DENND4C: variants seen among roughly 807,000 people sequenced by gnomAD.
DENND4C encodes DENN domain-containing protein 4C.
Under a neutral mutation model 203.0 loss-of-function variants are expected in DENND4C, and 108 were observed. The ratio of observed to expected loss-of-function variants is 0.53; its 90% CI spans 0.46 to 0.62. DENND4C has a LOEUF of 0.62. Ranked by LOEUF, DENND4C falls within the 20% of genes least tolerant of loss-of-function variation. The pLI is 0.00. For synonymous variants in DENND4C, 871 were observed against 792.4 expected, an observed-to-expected ratio of 1.10 and a Z score of -1.67; for missense variants, 2,481 against 2,301.2, an observed-to-expected ratio of 1.08 and a Z score of -1.60.
chr9:19,318,818 T>C (rs549227066), intron 12 of DENND4C, among the ~76,000 whole-genome samples: 1 of 152,342 alleles, frequency 6.6e-6, no homozygotes, highest in Admixed American at 6.5e-5. Flanking sequence ...ATTACCTCTT[T>C]AAAGACCCTG....
intron 5 of DENND4C, chr9:19,292,488 A>C (rs1836549636): frequency 6.6e-6 from 1 of 152,108 alleles, no homozygotes; most frequent in African/African-American, 2.4e-5. Context: ...AAAAATAAAC[A>C]ATATTCAGTA....
chr9:19,297,404 A>T (rs1055820027), intron 6 of DENND4C, among the ~76,000 whole-genome samples: 3 of 152,176 alleles, frequency 2.0e-5, no homozygotes, highest in Admixed American at 1.3e-4. Context: ...CAGTTTAATG[A>T]TTTATAGTTC....
chr9:19,370,092 C>A, intron 31 of DENND4C, 105 bp downstream of exon 31: 1 of 1,278,516 alleles, frequency 7.8e-7, no homozygotes, highest in Non-Finnish European at 1.1e-6. Context: ...AACACATACT[C>A]ATTGCAAAAC....
chr9:19,276,059 G>C (rs915186284), intron 1 of DENND4C, 99 bp from the exon 2 acceptor site: 1 of 532,976 alleles, frequency 1.9e-6, no homozygotes, highest in Non-Finnish European at 2.9e-6. Context: ...AATCTAGCTG[G>C]GAAGTGTGCT....
intron 2 of DENND4C, among the ~76,000 whole-genome samples, chr9:19,278,325 G>T (rs1833323940): frequency 6.6e-6 from 1 of 152,078 alleles, no homozygotes; most frequent in African/African-American, 2.4e-5. Context: ...TAGTAGCAGA[G>T]ACAGGGTTTC....
At chr9:19,313,798 C>T (rs1333379495) in intron 10 of DENND4C, among the ~76,000 whole-genome samples, 5 of 152,106 alleles carry the variant, frequency 3.3e-5, no homozygotes, top group African/African-American at 7.2e-5. Context: ...ATGCCAGTAG[C>T]GTGCTGTCAA....
intron 12 of DENND4C, among the ~76,000 whole-genome samples, chr9:19,319,711 G>T (rs181186484): frequency 2.4e-4 from 37 of 152,106 alleles, no homozygotes; most frequent in Admixed American, 2.4e-3. Flanking sequence ...ATTGTAAACA[G>T]TCCAGCATTT....
chr9:19,230,532 C>T (rs1299027561), upstream of DENND4C: 13 of 152,550 alleles, frequency 8.5e-5, no homozygotes, highest in Admixed American at 8.5e-4. Flanking sequence ...GCGGTCAGGT[C>T]TTGGGACGGC....
chr9:19,264,367 C>G (rs1411862549), intron 1 of DENND4C, among the ~76,000 whole-genome samples: 1 of 151,696 alleles, frequency 6.6e-6, no homozygotes, highest in Non-Finnish European at 1.5e-5. Flanking sequence ...AATGCAGTGG[C>G]GCAATTTCGG....
chr9:19,251,695 A>G (rs2131611441), intron 1 of DENND4C, among the ~76,000 whole-genome samples: 1 of 152,294 alleles, frequency 6.6e-6, no homozygotes, highest in South Asian at 2.1e-4. Flanking sequence ...ACCCTAAATC[A>G]TCTCTCTCAA....
intron 31 of DENND4C, 143 bp downstream of exon 31, chr9:19,370,130 A>G (rs1828518708): frequency 5.0e-6 from 5 of 1,000,352 alleles, no homozygotes; most frequent in Non-Finnish European, 6.0e-6. Context: ...CTACACAGAT[A>G]TATACATTCC....
Position 19,265,794 on chromosome 9 carries a change from T to A in DENND4C, c.-17-10364T>A, listed in dbSNP as rs1244447001. On this transcript the variant is annotated intron_variant, in intron 1 of 32. Coordinates refer to ENST00000434457, the MANE Select transcript of DENND4C (RefSeq NM_001330640.2). ...CAAAGGACAAGAACTCAACCTTTTT[T>A]ATGGCTGCATAGTATTCCATGGTGT... 2.0e-5 allele frequency among the ~76,000 whole-genome samples: 3 copies of A among 152,246 alleles called. No individual in the cohort carries two copies. In the East Asian group the frequency reaches 5.8e-4, roughly 29 times the overall value.
At chr9:19,316,360 T>C in intron 10 of DENND4C, 57 bp from the exon 11 acceptor site, 1 of 1,402,660 alleles carries the variant, frequency 7.1e-7, no homozygotes. Flanking sequence ...AAGAATTTTG[T>C]CTAGTAAAAG....
chr9:19,285,120 C>T (rs1374592922), intron 2 of DENND4C, among the ~76,000 whole-genome samples: 1 of 151,936 alleles, frequency 6.6e-6, no homozygotes, highest in Non-Finnish European at 1.5e-5. Context: ...TATCTAAGTC[C>T]TGCTTATTAC....
chr9:19,352,839 A>G (rs1824460215), intron 26 of DENND4C, among the ~76,000 whole-genome samples, 174 bp downstream of exon 26: 1 of 152,192 alleles, frequency 6.6e-6, no homozygotes, highest in Admixed American at 6.5e-5. Context: ...CATTTTATTT[A>G]AAGTAAGATT....
At position 19,346,532 on chromosome 9, in the gene DENND4C, CTT is replaced by C. The variant is rs1822921472; in HGVS notation, c.3766_3767del (p.Leu1256SerfsTer3). 6.2e-7 allele frequency: 1 copy of C among 1,614,106 alleles called. No individual in the cohort carries two copies. The highest frequency in any genetic ancestry group is 8.5e-7 in the Non-Finnish European group (1 of 1,180,028). On this transcript the variant is annotated frameshift_variant, in exon 23 of 33. Transcript: ENST00000434457. LOFTEE classifies it high-confidence loss of function. The part of the protein sequence containing the change: ...DVETGLDPLS[L>X]LATECTGGKT... ...TGAAACTGGACTAGATCCTTTGTCT[CTT>C]TTAGCCACTGAATGTACAGGAGGAA...
At position 19,276,239 on chromosome 9, in the gene DENND4C, C is replaced by A. The variant is rs1390089374; in HGVS notation, c.65C>A (p.Ser22Tyr). ...GTCGTAGCTGGTCTCACTGACACAT[C>A]TACTCTTTTGGATCAAGAAATAAAT... ...YFVVAGLTDT[S>Y]TLLDQEINRL... is the part of the protein sequence containing the mutation. The change falls in exon 2 of 33, where the codon TCT becomes TAT. Residue 22 changes from serine to tyrosine, a missense_variant. Transcript: ENST00000434457. The A allele has an allele frequency of 2.4e-6, 3 of 1,231,954 alleles. No individual in the cohort carries two copies. Among genetic ancestry groups the A allele is most frequent in the Non-Finnish European group, 2.0e-6 (2 of 987,904 alleles). The allele number at this position is 1,231,954 out of a possible 1,614,324, so 76.3% of individuals were successfully genotyped here.
rs1423114087 is a variant in DENND4C at position 19,373,775 on chromosome 9, T to C, written c.*1602T>C. Among the ~76,000 whole-genome samples, 2 of 152,064 alleles carry C rather than the reference T, an allele frequency of 1.3e-5. No individual in the cohort carries two copies. Among genetic ancestry groups the C allele is most frequent in the East Asian group, 1.9e-4 (1 of 5,204 alleles). ...GTAATTATGCAGATGACTAAATGAG[T>C]TGACACAGTAAAATTACTTCCATAT... is the stretch of plus-strand genomic sequence containing the variant. On this transcript the variant is annotated 3_prime_UTR_variant, in exon 33 of 33. Coordinates refer to ENST00000434457, the MANE Select transcript of DENND4C (RefSeq NM_001330640.2).
intron 1 of DENND4C, among the ~76,000 whole-genome samples, chr9:19,256,429 G>A (rs1237290161): frequency 6.8e-6 from 1 of 146,072 alleles, no homozygotes; most frequent in African/African-American, 2.5e-5. Flanking sequence ...CGATTCTCCT[G>A]TCGCAGCCTC....
Sources: gnomAD v4.1 joint callset for allele counts (sites outside exome capture counted in the v4.1 genomes callset) on GRCh38, gnomAD v4.1.1 for gene constraint, MANE v1.5 for transcripts, NCBI Gene and HGNC (gene_info 2026-07-23, HGNC 2026-07-21) for gene names.